Variants in ADAMTS3 observed in about 807,000 individuals in gnomAD.
ADAMTS3 encodes the protein ADAM metallopeptidase with thrombospondin type 1 motif 3.
ADAMTS3 carries 73 observed loss-of-function variants against 129.0 expected under a neutral mutation model. That is an observed-to-expected ratio of 0.57 (90% confidence interval 0.47 to 0.69). ADAMTS3 has a LOEUF of 0.69. Ranked by LOEUF, ADAMTS3 falls within the 30% of genes least tolerant of loss-of-function variation. The probability of loss-of-function intolerance (pLI) is 0.00; values close to 1 mark genes in which losing one functional copy is unlikely to be tolerated. For missense variants in ADAMTS3, 1,457 were observed against 1,514.5 expected, an observed-to-expected ratio of 0.96 and a Z score of 0.63; for synonymous variants, 477 against 510.8, an observed-to-expected ratio of 0.93 and a Z score of 0.89.
chr4:72,405,879 TAA>T (rs1331366480), intron 4 of ADAMTS3, among the ~76,000 whole-genome samples: 4 of 152,162 alleles, frequency 2.6e-5, no homozygotes, highest in African/African-American at 9.7e-5. Context: ...TAATTTGGAT[TAA>T]AGAGGCTAAA....
chr4:72,507,167 T>G (rs1720184460), intron 3 of ADAMTS3, among the ~76,000 whole-genome samples: 1 of 152,200 alleles, frequency 6.6e-6, no homozygotes, highest in African/African-American at 2.4e-5. Flanking sequence ...GGCCTATTTT[T>G]TATTTTTACT....
chr4:72,422,009 T>A, intron 3 of ADAMTS3, among the ~76,000 whole-genome samples: 1 of 152,178 alleles, frequency 6.6e-6, no homozygotes, highest in Admixed American at 6.6e-5. Flanking sequence ...TGCACTGTCA[T>A]ACATAACCTC....
intron 3 of ADAMTS3, among the ~76,000 whole-genome samples, chr4:72,432,754 C>T (rs988794914): frequency 1.3e-5 from 2 of 151,268 alleles, no homozygotes; most frequent in African/African-American, 2.4e-5. Context: ...AATAATAAAA[C>T]AGATGAGTAA....
intron 4 of ADAMTS3, among the ~76,000 whole-genome samples, chr4:72,352,246 T>A (rs761637926): frequency 6.6e-6 from 1 of 152,030 alleles, no homozygotes; most frequent in Admixed American, 6.6e-5. Context: ...ATTTTGTATG[T>A]CATCAAAATC....
At chr4:72,363,891 C>T (rs1720793618) in intron 4 of ADAMTS3, among the ~76,000 whole-genome samples, 1 of 151,814 alleles carries the variant, frequency 6.6e-6, no homozygotes, top group Non-Finnish European at 1.5e-5. Flanking sequence ...TGAAAGTTTG[C>T]CAGATACGAC....
chr4:72,537,740 G>A (rs527490469), intron 3 of ADAMTS3, among the ~76,000 whole-genome samples: 2 of 151,950 alleles, frequency 1.3e-5, no homozygotes, highest in East Asian at 3.9e-4. Flanking sequence ...GAGCACAAAG[G>A]AACAGAAAAG....
chr4:72,530,036 A>AATATATTATATTTATATATAATATGTT (rs1560553489), intron 3 of ADAMTS3, among the ~76,000 whole-genome samples: 129 of 7,714 alleles, frequency 0.017, 19 homozygotes, highest in South Asian at 0.036. Flanking sequence ...ATATAAATAT[A>AATATATTATATTTATATATAATATGTT]ATATATTATA....
At position 72,315,947 on chromosome 4, in the gene ADAMTS3, G is replaced by A. The variant is rs766715810; in HGVS notation, c.1510C>T (p.Gln504Ter). 1 of 1,612,308 alleles carries A rather than the reference G, an allele frequency of 6.2e-7. No homozygotes were observed. Among genetic ancestry groups the A allele is most frequent in the Admixed American group, 1.7e-5 (1 of 59,736 alleles). ...TAFRTFDPCK[Q>*]LWCSHPDNPY... ...TTATCAGGATGGCTACACCACAGCT[G>A]TTTACATGGGTCAAAGGTTCGGAAC... The change falls in exon 11 of 22, where the codon CAG becomes TAG. Residue 504 changes from glutamine to a stop codon, truncating the protein, a stop_gained. Coordinates refer to ENST00000286657, the MANE Select transcript of ADAMTS3 (RefSeq NM_014243.3). LOFTEE classifies it high-confidence loss of function.
chr4:72,530,595 A>G (rs1279514970), intron 3 of ADAMTS3, among the ~76,000 whole-genome samples: 1 of 84,804 alleles, frequency 1.2e-5, no homozygotes, highest in African/African-American at 4.9e-5. Context: ...AATATATATT[A>G]ATATTAAAAT....
At chr4:72,365,527 G>T (rs1443070089) in intron 4 of ADAMTS3, among the ~76,000 whole-genome samples, 1 of 152,174 alleles carries the variant, frequency 6.6e-6, no homozygotes, top group Admixed American at 6.6e-5. Context: ...CAGGGCCACT[G>T]CATACAGTCC....
intron 3 of ADAMTS3, among the ~76,000 whole-genome samples, chr4:72,480,701 TA>T (rs1719410168): frequency 7.9e-6 from 1 of 126,322 alleles, no homozygotes; most frequent in African/African-American, 3.0e-5. Context: ...ATAATAATAA[TA>T]AAAAAATAAA....
Position 72,309,374 on chromosome 4 carries a change from A to C in ADAMTS3, c.2179+23T>G, listed in dbSNP as rs201923866. On this transcript the variant is annotated intron_variant, in intron 15 of 21. Transcript: ENST00000286657. ...TACAAATCACAGAGAAGAATACTAAATCCATGAGAGACCTCATCTTACCAA... is the reference window on the plus strand; with the variant it reads ...TACAAATCACAGAGAAGAATACTAACTCCATGAGAGACCTCATCTTACCAA... The C allele has an allele frequency of 1.7e-5, 28 of 1,609,674 alleles. No individual in the cohort carries two copies. In the East Asian group the frequency reaches 6.0e-4, roughly 35 times the overall value.
In ADAMTS3 at chr4:72,531,899, T is replaced by C. The variant is rs544967681; in HGVS notation, c.504+16579A>G. 8.5e-5 allele frequency among the ~76,000 whole-genome samples: 13 copies of C among 152,222 alleles called. No individual in the cohort carries two copies. In the East Asian group the frequency reaches 2.5e-3, roughly 29 times the overall value. ...ATAGCCTGGGGAGATGGCACTCATG[T>C]GTGCCTACAAAGAACACATAGCTTC... On this transcript the variant is annotated intron_variant, in intron 3 of 21. Coordinates refer to ENST00000286657, the MANE Select transcript of ADAMTS3 (RefSeq NM_014243.3).
chr4:72,334,432 A>C (rs1719935300), intron 5 of ADAMTS3, among the ~76,000 whole-genome samples: 1 of 152,206 alleles, frequency 6.6e-6, no homozygotes, highest in South Asian at 2.1e-4. Context: ...TATGAGGCTT[A>C]ATAATATACA....
At chr4:72,455,620 TA>T (rs71215432) in intron 3 of ADAMTS3, among the ~76,000 whole-genome samples, 87,655 of 134,634 alleles carry the variant, frequency 0.65, 28,850 homozygotes, top group South Asian at 0.8. Flanking sequence ...CTTAAAGTAT[TA>T]AAAAAAAAAA....
intron 5 of ADAMTS3, among the ~76,000 whole-genome samples, chr4:72,334,795 G>C (rs996355761): frequency 6.6e-5 from 10 of 152,014 alleles, no homozygotes; most frequent in African/African-American, 1.2e-4. Context: ...CCTAAGAAAG[G>C]CTTAACATAT....
intron 3 of ADAMTS3, among the ~76,000 whole-genome samples, chr4:72,531,037 C>G (rs1219735645): frequency 2.0e-5 from 3 of 151,016 alleles, no homozygotes; most frequent in African/African-American, 7.3e-5. Context: ...CTTAGAAATG[C>G]CAATGCAGCT....
chr4:72,304,177 C>G (rs1719027103), intron 16 of ADAMTS3, 97 bp from the exon 17 acceptor site: 1 of 1,224,758 alleles, frequency 8.2e-7, no homozygotes, highest in South Asian at 1.4e-5. Context: ...AAATCAATGA[C>G]CATGTTTCTT....
At position 72,281,996 on chromosome 4, in the gene ADAMTS3, T is replaced by C. The variant is rs1718357348; in HGVS notation, c.*1140A>G. 1 of 152,242 alleles carries C rather than the reference T, an allele frequency of 6.6e-6. No individual in the cohort carries two copies. Among genetic ancestry groups the C allele is most frequent in the East Asian group, 1.9e-4 (1 of 5,186 alleles). The allele number at this position is 152,242 out of a possible 1,614,324, so 9.4% of individuals were successfully genotyped here. A position where few individuals can be genotyped will look rare whatever the true frequency, so the allele number is the denominator to read the frequency against. On this transcript the variant is annotated 3_prime_UTR_variant, in exon 22 of 22. Transcript: ENST00000286657. ...GTTGTGAACATTTGAACATGAACCATATGGAAAATAAATATCTCAACCATC... is the reference window on the plus strand; with the variant it reads ...GTTGTGAACATTTGAACATGAACCACATGGAAAATAAATATCTCAACCATC...
Sources: gnomAD v4.1 joint callset for allele counts (sites outside exome capture counted in the v4.1 genomes callset) on GRCh38, gnomAD v4.1.1 for gene constraint, MANE v1.5 for transcripts, NCBI Gene and HGNC (gene_info 2026-07-23, HGNC 2026-07-21) for gene names.